RALYL: variants seen among roughly 807,000 people sequenced by gnomAD.
RALYL encodes the protein RALY RNA binding protein like, also known as RNA-binding Raly-like protein.
Under a neutral mutation model 35.1 loss-of-function variants are expected in RALYL, and 29 were observed. The ratio of observed to expected loss-of-function variants is 0.83; its 90% CI spans 0.61 to 1.13. RALYL has a LOEUF of 1.13. Among genes scored for constraint, RALYL ranks in the 50% most tolerant of loss-of-function variants. The probability of loss-of-function intolerance (pLI) is 0.00; values close to 1 mark genes in which losing one functional copy is unlikely to be tolerated. For missense variants in RALYL, 359 were observed against 360.4 expected (o/e 1.00, Z 0.03); for synonymous variants, 120 against 127.6 (o/e 0.94, Z 0.40).
chr8:84,673,333 G>A (rs530194016), intron 2 of RALYL, among the ~76,000 whole-genome samples: 2 of 152,246 alleles, frequency 1.3e-5, no homozygotes, highest in Admixed American at 6.5e-5. Flanking sequence ...TGTTTACTCT[G>A]TTGGTAGTTT....
intron 2 of RALYL, among the ~76,000 whole-genome samples, chr8:84,579,477 T>C (rs1469219621): frequency 1.3e-5 from 2 of 152,238 alleles, no homozygotes; most frequent in African/African-American, 2.4e-5. Flanking sequence ...TGCCTGTTCA[T>C]GGCACTTGCT....
chr8:84,413,350 C>T (rs2132216534), intron 1 of RALYL, among the ~76,000 whole-genome samples: 1 of 150,934 alleles, frequency 6.6e-6, no homozygotes, highest in Admixed American at 6.6e-5. Flanking sequence ...TATTTGGAAA[C>T]ATTTTGGTTA....
At chr8:84,688,770 T>A (rs1330211893) in intron 2 of RALYL, among the ~76,000 whole-genome samples, 1 of 152,030 alleles carries the variant, frequency 6.6e-6, no homozygotes, top group African/African-American at 2.4e-5. Context: ...AGGGAAACAA[T>A]CATGGAGTGA....
chr8:84,207,269 C>T (rs1015944521), intron 1 of RALYL, among the ~76,000 whole-genome samples: 9 of 151,682 alleles, frequency 5.9e-5, no homozygotes, highest in African/African-American at 2.4e-5. Context: ...CCTAAGTGTC[C>T]ATCAATGGAT....
At chr8:84,622,894 T>C (rs1264825830) in intron 2 of RALYL, among the ~76,000 whole-genome samples, 3 of 152,192 alleles carry the variant, frequency 2.0e-5, no homozygotes, top group African/African-American at 4.8e-5. Flanking sequence ...ATAGTAAATG[T>C]ATTTATTATT....
intron 1 of RALYL, among the ~76,000 whole-genome samples, chr8:84,253,187 T>G (rs1326938470): frequency 8.9e-5 from 11 of 123,868 alleles, no homozygotes; most frequent in Admixed American, 1.6e-4. Context: ...TTTTTTTTTT[T>G]TTTTTTTTTT....
chr8:84,710,217 A>T (rs1210771292), intron 2 of RALYL, among the ~76,000 whole-genome samples: 2 of 152,102 alleles, frequency 1.3e-5, no homozygotes, highest in Non-Finnish European at 2.9e-5. Flanking sequence ...CACATGCCAC[A>T]TCCTTCCTAA....
intron 2 of RALYL, among the ~76,000 whole-genome samples, chr8:84,609,981 C>T (rs1366084639): frequency 1.3e-5 from 2 of 152,058 alleles, no homozygotes; most frequent in Non-Finnish European, 2.9e-5. Flanking sequence ...GACTTATTCA[C>T]TATCATGAGA....
At chr8:84,565,032 T>A (rs1188027992) in intron 2 of RALYL, among the ~76,000 whole-genome samples, 1 of 151,660 alleles carries the variant, frequency 6.6e-6, no homozygotes, top group Non-Finnish European at 1.5e-5. Context: ...AATTTTCCTT[T>A]ACAAAAATTA....
At chr8:84,195,869 G>A (rs1815149590) in intron 1 of RALYL, among the ~76,000 whole-genome samples, 1 of 152,170 alleles carries the variant, frequency 6.6e-6, no homozygotes, top group Non-Finnish European at 1.5e-5. Flanking sequence ...GAAAATAGGA[G>A]AGAGTCAGGG....
chr8:84,285,740 G>T (rs1837477106), intron 1 of RALYL, among the ~76,000 whole-genome samples: 1 of 151,984 alleles, frequency 6.6e-6, no homozygotes, highest in African/African-American at 2.4e-5. Context: ...ATAGAAAGGA[G>T]GTTGGTGTAA....
chr8:84,804,791 C>A lies in RALYL; in HGVS notation c.354C>A (p.Phe118Leu). 8.6e-7 allele frequency: 1 copy of A among 1,165,786 alleles called. No individual in the cohort carries two copies. Among genetic ancestry groups the A allele is most frequent in the Non-Finnish European group, 1.1e-6 (1 of 888,192 alleles). The allele number at this position is 1,165,786 out of a possible 1,614,324, so 72.2% of individuals were successfully genotyped here. ...ATAGACTTGAATCAAAGGAACCTTT[C>A]CTGTCTGTTGGGTAAGTATATATTT... ...ALYRLESKEP[F>L]LSVGGYVFDY... is the part of the protein sequence containing the mutation. The change falls in exon 4 of 9, where the codon TTC (phenylalanine) becomes TTA (leucine). Residue 118 changes from phenylalanine (F) to leucine (L), a missense_variant. Physicochemically the swap from Phe to Leu is conservative, Grantham distance 22. Coordinates refer to ENST00000521268, the MANE Select transcript of RALYL (RefSeq NM_173848.7).
intron 2 of RALYL, among the ~76,000 whole-genome samples, chr8:84,718,069 A>G (rs113570067): frequency 0.036 from 5,426 of 152,246 alleles, 170 homozygotes; most frequent in African/African-American, 0.081. Context: ...GGTATTTGTC[A>G]TGATTGAAAA....
intron 2 of RALYL, among the ~76,000 whole-genome samples, chr8:84,604,444 G>A (rs1816670601): frequency 6.6e-6 from 1 of 152,142 alleles, no homozygotes; most frequent in Admixed American, 6.5e-5. Context: ...TGAGGCTGAT[G>A]TGAAATGTAC....
At position 84,529,427 on chromosome 8, in the gene RALYL, G is replaced by C. The variant is rs550963452; in HGVS notation, c.106G>C (p.Val36Leu). The C allele has an allele frequency of 1.2e-6, 2 of 1,613,408 alleles. No individual in the cohort carries two copies. The highest frequency in any genetic ancestry group is 2.2e-5 in the East Asian group (1 of 44,864). The change falls in exon 2 of 9, where the codon GTT becomes CTT. Residue 36 changes from valine to leucine, a missense_variant. By Grantham distance (32) the Val-to-Leu change is conservative. Coordinates refer to ENST00000521268, the MANE Select transcript of RALYL (RefSeq NM_173848.7). Reference protein sequence around the residue: ...GNLNTAIVKKVDIEAIFSKYG... With the variant: ...GNLNTAIVKKLDIEAIFSKYG... ...TCTAAATACGGCAATTGTCAAGAAA[G>C]TTGACATTGAAGCCATTTTTTCAAA... is the stretch of plus-strand genomic sequence containing the variant.
intron 2 of RALYL, among the ~76,000 whole-genome samples, chr8:84,601,386 G>A (rs910498864): frequency 2.0e-5 from 3 of 152,108 alleles, no homozygotes; most frequent in Non-Finnish European, 4.4e-5. Flanking sequence ...AATCAAAAAT[G>A]TACTTAACAG....
At chr8:84,502,785 C>T (rs961437531) in intron 1 of RALYL, among the ~76,000 whole-genome samples, 4 of 151,566 alleles carry the variant, frequency 2.6e-5, no homozygotes, top group African/African-American at 4.8e-5. Flanking sequence ...GGAATTTCAT[C>T]GAGTATTGTA....
In RALYL at chr8:84,599,803, C is replaced by T. The variant is rs771316049; in HGVS notation, c.256+70226C>T. On this transcript the variant is annotated intron_variant, in intron 2 of 8. Transcript: ENST00000521268. ...TTAAACAAAGGAAATTTTATTTTAG[C>T]TATACACTTTTTAGATCTCTTTTTC... Among the ~76,000 whole-genome samples, 8 of 152,036 alleles carry T rather than the reference C, an allele frequency of 5.3e-5. No individual in the cohort carries two copies. The Middle Eastern group carries it at 0.017, about 328-fold the overall frequency.
At chr8:84,501,090 TATC>T (rs1325337046) in intron 1 of RALYL, among the ~76,000 whole-genome samples, 1 of 152,174 alleles carries the variant, frequency 6.6e-6, no homozygotes, top group Admixed American at 6.6e-5. Flanking sequence ...ATGGAATTCT[TATC>T]ATAGTCATTA....
Sources: gnomAD v4.1 joint callset for allele counts (sites outside exome capture counted in the v4.1 genomes callset) on GRCh38, gnomAD v4.1.1 for gene constraint, MANE v1.5 for transcripts, NCBI Gene and HGNC (gene_info 2026-07-23, HGNC 2026-07-21) for gene names.